The following SNTG2 variants were observed in gnomAD, a reference collection of about 807,000 sequenced individuals.
SNTG2 encodes syntrophin gamma 2.
In SNTG2, 74 loss-of-function variants were observed where a neutral mutation model predicts 70.9. The ratio of observed to expected loss-of-function variants is 1.04; its 90% CI spans 0.86 to 1.27. The LOEUF (loss-of-function observed/expected upper bound fraction) is 1.27. SNTG2 is among the 50% of genes most tolerant of loss of function. The pLI is 0.00. For missense variants in SNTG2, 717 were observed against 690.7 expected (o/e 1.04, Z -0.43); for synonymous variants, 278 against 273.8 (o/e 1.02, Z -0.15).
chr2:1,175,113 A>C (rs1671383671), intron 8 of SNTG2, among the ~76,000 whole-genome samples: 1 of 152,200 alleles, frequency 6.6e-6, no homozygotes. Flanking sequence ...TTTTCACATT[A>C]GATCTCTAAA....
chr2:1,361,689 A>G (rs1263521469), intron 16 of SNTG2, among the ~76,000 whole-genome samples: 6 of 146,230 alleles, frequency 4.1e-5, no homozygotes, highest in African/African-American at 1.3e-4. Context: ...ACCGACGCTG[A>G]GCATTTCAGT....
intron 1 of SNTG2, among the ~76,000 whole-genome samples, chr2:991,376 C>T (rs868405479): frequency 2.1e-5 from 3 of 145,520 alleles, no homozygotes; most frequent in Admixed American, 2.0e-4. Flanking sequence ...TAATATTACA[C>T]ACACACACAC....
chr2:1,048,839 T>C (rs1448046254), intron 1 of SNTG2, among the ~76,000 whole-genome samples: 1 of 152,232 alleles, frequency 6.6e-6, no homozygotes, highest in Non-Finnish European at 1.5e-5. Context: ...TTGATATTCA[T>C]TCACCCTCTT....
At chr2:1,087,791 C>T (rs1664778268) in intron 2 of SNTG2, among the ~76,000 whole-genome samples, 1 of 152,150 alleles carries the variant, frequency 6.6e-6, no homozygotes, top group Admixed American at 6.5e-5. Context: ...AGGTGTATTG[C>T]TTCTATAACA....
chr2:971,310 T>G (rs1660731827), intron 1 of SNTG2, among the ~76,000 whole-genome samples: 1 of 152,160 alleles, frequency 6.6e-6, no homozygotes, highest in South Asian at 2.1e-4. Context: ...GTTTGTTTTT[T>G]TATCACTGAT....
intron 14 of SNTG2, among the ~76,000 whole-genome samples, chr2:1,272,761 AGAAAGGACACCCCAGGGAGCG>A (rs1679103731): frequency 1.3e-5 from 2 of 148,424 alleles, no homozygotes; most frequent in Admixed American, 1.3e-4. Context: ...GAGCGGGTGC[AGAAAGGACACCCCAGGGAGCG>A]GGTGCAGAAA....
At position 1,131,411 on chromosome 2, in the gene SNTG2, A is replaced by G. The variant is rs376288864; in HGVS notation, c.326-6211A>G. ...CCTGGCCTGCGGTGTGCAAGCTTCA[A>G]GTTGTTTTTGGCAAATCCATTTGAC... On this transcript the variant is annotated intron_variant, in intron 4 of 16. Transcript: ENST00000308624. Among the ~76,000 whole-genome samples the G allele has an allele frequency of 6.6e-5, 10 of 152,078 alleles. No homozygotes were observed. The East Asian group carries it at 1.2e-3, about 18-fold the overall frequency.
chr2:1,114,371 A>T (rs1666774660), intron 4 of SNTG2, among the ~76,000 whole-genome samples: 1 of 151,614 alleles, frequency 6.6e-6, no homozygotes, highest in East Asian at 2.0e-4. Context: ...CCTGTGTGCT[A>T]AGTGAGGTTT....
chr2:1,016,855 G>A (rs770290825), intron 1 of SNTG2, among the ~76,000 whole-genome samples: 4 of 152,164 alleles, frequency 2.6e-5, no homozygotes, highest in Non-Finnish European at 5.9e-5. Context: ...GTACATGAAT[G>A]CCCTCAGTGC....
intron 14 of SNTG2, among the ~76,000 whole-genome samples, chr2:1,299,193 C>G (rs1271558419): frequency 1.3e-5 from 2 of 152,210 alleles, no homozygotes; most frequent in Admixed American, 1.3e-4. Context: ...TGCTGCTTTC[C>G]GGGCCGTGGA....
intron 1 of SNTG2, among the ~76,000 whole-genome samples, chr2:982,943 C>A (rs1477922006): frequency 6.6e-6 from 1 of 152,076 alleles, no homozygotes; most frequent in Non-Finnish European, 1.5e-5. Flanking sequence ...GGCTCTCTTC[C>A]ATAGAAGCTG....
chr2:976,974 G>A (rs557287180), intron 1 of SNTG2, among the ~76,000 whole-genome samples: 1 of 152,320 alleles, frequency 6.6e-6, no homozygotes, highest in East Asian at 1.9e-4. Flanking sequence ...AAGGCCAAGG[G>A]TCTTGTGGGA....
At chr2:1,046,249 G>A (rs779405957) in intron 1 of SNTG2, among the ~76,000 whole-genome samples, 4 of 152,024 alleles carry the variant, frequency 2.6e-5, no homozygotes, top group Admixed American at 6.5e-5. Context: ...TAAGCCTATG[G>A]ACGTCCTTGA....
At chr2:1,220,397 A>G (rs1674674421) in intron 9 of SNTG2, among the ~76,000 whole-genome samples, 1 of 152,194 alleles carries the variant, frequency 6.6e-6, no homozygotes, top group Non-Finnish European at 1.5e-5. Flanking sequence ...CCCCTCCCTC[A>G]GGCCAGCAGC....
chr2:1,011,514 C>T (rs1019287479), intron 1 of SNTG2, among the ~76,000 whole-genome samples: 4 of 152,024 alleles, frequency 2.6e-5, no homozygotes, highest in Admixed American at 6.6e-5. Context: ...TAAATCATAC[C>T]GTATTTGCAT....
At chr2:1,209,607 G>C (rs150905279) in intron 9 of SNTG2, among the ~76,000 whole-genome samples, 1 of 152,216 alleles carries the variant, frequency 6.6e-6, no homozygotes, top group African/African-American at 2.4e-5. Context: ...AAACTCTGTG[G>C]GCCTCTTTTT....
At chr2:1,283,575 G>A (rs147181375) in intron 14 of SNTG2, among the ~76,000 whole-genome samples, 202 of 152,212 alleles carry the variant, frequency 1.3e-3, no homozygotes, top group African/African-American at 4.5e-3. Flanking sequence ...CCAGGACACC[G>A]TTCACCCTGT....
intron 16 of SNTG2, among the ~76,000 whole-genome samples, chr2:1,346,821 G>A (rs548987115): frequency 6.6e-6 from 1 of 152,178 alleles, no homozygotes; most frequent in African/African-American, 2.4e-5. Context: ...TCCAAGCGGG[G>A]GCTTACAAGT....
rs75886702 is a variant in SNTG2 at position 959,643 on chromosome 2, G to A, written c.72+8575G>A. Among the ~76,000 whole-genome samples the A allele has an allele frequency of 7.2e-3, 1,089 of 150,996 alleles. 17 individuals are homozygous for A. Among genetic ancestry groups the A allele is most frequent in the African/African-American group, 0.025 (1,033 of 40,998 alleles). ...TACTGGCCTTGGGCTGAATGGAGAA[G>A]GTGAACGGAGCAGACCAGTGTCACA... On this transcript the variant is annotated intron_variant, in intron 1 of 16. Transcript: ENST00000308624.
Sources: gnomAD v4.1 joint callset for allele counts (sites outside exome capture counted in the v4.1 genomes callset) on GRCh38, gnomAD v4.1.1 for gene constraint, MANE v1.5 for transcripts, NCBI Gene and HGNC (gene_info 2026-07-23, HGNC 2026-07-21) for gene names.